The following CAMTA1 variants were observed in gnomAD, a reference collection of about 807,000 sequenced individuals.
CAMTA1 encodes calmodulin-binding transcription activator 1.
A neutral mutation model predicts 170.9 loss-of-function variants in CAMTA1; 27 were observed. The ratio of observed to expected loss-of-function variants is 0.16; its 90% CI spans 0.12 to 0.22. The LOEUF is 0.22. Among genes scored for constraint, CAMTA1 ranks in the 10% least tolerant of loss-of-function variants. CAMTA1 has a pLI of 1.00. For missense variants in CAMTA1, 1,619 were observed against 2,217.2 expected (o/e 0.73, Z 5.42); for synonymous variants, 833 against 891.5 (o/e 0.93, Z 1.17).
At chr1:7,507,426 G>A (rs893233557) in intron 6 of CAMTA1, among the ~76,000 whole-genome samples, 12 of 152,208 alleles carry the variant, frequency 7.9e-5, no homozygotes, top group South Asian at 2.1e-4. Context: ...GGGGTCTATC[G>A]GAGCTGTTTA....
At chr1:6,896,981 C>T (rs142120035) in intron 3 of CAMTA1, among the ~76,000 whole-genome samples, 3 of 152,244 alleles carry the variant, frequency 2.0e-5, no homozygotes, top group African/African-American at 7.2e-5. Context: ...GTGAAATGGA[C>T]CTTTTTAGAA....
intron 4 of CAMTA1, among the ~76,000 whole-genome samples, chr1:7,148,008 TCAAA>T (rs892111904): frequency 8.9e-5 from 13 of 145,406 alleles, no homozygotes; most frequent in Non-Finnish European, 1.3e-4. Flanking sequence ...ATGTACACAC[TCAAA>T]CATACATCAC....
intron 4 of CAMTA1, among the ~76,000 whole-genome samples, chr1:7,110,923 C>T (rs772633033): frequency 6.6e-6 from 1 of 152,222 alleles, no homozygotes; most frequent in Non-Finnish European, 1.5e-5. Flanking sequence ...CATTGTCTTA[C>T]AGTTCTGTAT....
chr1:7,492,740 C>CGCGT (rs1187081545), intron 6 of CAMTA1, among the ~76,000 whole-genome samples: 1 of 77,184 alleles, frequency 1.3e-5, no homozygotes, highest in Admixed American at 1.3e-4. Context: ...TACATACACA[C>CGCGT]ACGCGCGCAC....
In CAMTA1 at chr1:6,887,545, C is replaced by G. The variant is rs978517726; in HGVS notation, c.234+62335C>G. 3 of 1,486,554 alleles carry G rather than the reference C, an allele frequency of 2.0e-6. No homozygotes were observed. In the African/African-American group the frequency reaches 4.2e-5, roughly 21 times the overall value. The allele number at this position is 1,486,554 out of a possible 1,614,324, so 92.1% of individuals were successfully genotyped here. A position where few individuals can be genotyped will look rare whatever the true frequency, so the allele number is the denominator to read the frequency against. On this transcript the variant is annotated intron_variant, in intron 3 of 22. Coordinates refer to ENST00000303635, the MANE Select transcript of CAMTA1 (RefSeq NM_015215.4). The surrounding 1 kb of genome is among the most constrained non-coding windows in gnomAD (Gnocchi z 4.1). ...AATATATACTTTAGTTTGCCTTTAC[C>G]CAGATGTCTCCTCCTCTCTCTGCCT...
intron 6 of CAMTA1, among the ~76,000 whole-genome samples, chr1:7,496,225 T>C (rs2093824561): frequency 1.3e-5 from 2 of 152,072 alleles, no homozygotes; most frequent in African/African-American, 4.8e-5. Flanking sequence ...AAATAGTCCA[T>C]GTGCGGGAGG....
chr1:7,266,825 C>T (rs1669013255), intron 5 of CAMTA1, among the ~76,000 whole-genome samples: 3 of 152,174 alleles, frequency 2.0e-5, no homozygotes, highest in Admixed American at 2.0e-4. Context: ...CTGGAAGGAC[C>T]TTGGTTGCTC....
At position 7,588,149 on chromosome 1, in the gene CAMTA1, G is replaced by A. The variant is rs2095326581; in HGVS notation, c.511-52251G>A. Reference sequence around the variant, plus strand: ...TAGACCCCAGGGCTGGGATCCCACAGAAAGTCACAGGCCCTGCCCATTGGC... The same window carrying A: ...TAGACCCCAGGGCTGGGATCCCACAAAAAGTCACAGGCCCTGCCCATTGGC... On this transcript the variant is annotated intron_variant, in intron 6 of 22. Transcript: ENST00000303635. This position sits in a 1 kb window ranked among gnomAD's most constrained non-coding sequence, Gnocchi z 5.8. 6.6e-6 allele frequency among the ~76,000 whole-genome samples: 1 copy of A among 152,078 alleles called. No homozygotes were observed. The highest frequency in any genetic ancestry group is 1.5e-5 in the Non-Finnish European group (1 of 68,024).
At position 7,668,427 on chromosome 1, in the gene CAMTA1, ACACACCCAC is replaced by A. The variant is rs1335171773; in HGVS notation, c.2653-2478_2653-2470del. On this transcript the variant is annotated intron_variant, in intron 9 of 22. Transcript: ENST00000303635. ...CACACACACACACACACACACACAC[ACACACCCAC>A]CACACACCCCAGAGGCGTCCCCCTA... is the stretch of plus-strand genomic sequence containing the variant. Among the ~76,000 whole-genome samples, 1,132 of 132,360 alleles carry A rather than the reference ACACACCCAC, an allele frequency of 8.6e-3. 18 individuals carry two copies. The highest frequency in any genetic ancestry group is 0.031 in the African/African-American group (1,059 of 33,974). 86.8% of individuals were successfully genotyped at this position (132,360 alleles called of 152,430 possible). A position where few individuals can be genotyped will look rare whatever the true frequency, so the allele number is the denominator to read the frequency against.
At chr1:6,809,120 A>C (rs1269317526) in intron 1 of CAMTA1, among the ~76,000 whole-genome samples, 1 of 150,632 alleles carries the variant, frequency 6.6e-6, no homozygotes, top group Non-Finnish European at 1.5e-5. Context: ...TCCACCTCTC[A>C]GGTTCAAGCA....
chr1:7,103,113 G>C (rs1270343271), intron 4 of CAMTA1, among the ~76,000 whole-genome samples: 2 of 151,866 alleles, frequency 1.3e-5, no homozygotes, highest in African/African-American at 2.4e-5. Context: ...GGGGCTGCGG[G>C]GTGCAGTGGG....
At position 7,534,293 on chromosome 1, in the gene CAMTA1, C is replaced by T. The variant is rs1557875701; in HGVS notation, c.510+66392C>T. 1.3e-5 allele frequency among the ~76,000 whole-genome samples: 2 copies of T among 152,192 alleles called. No individual in the cohort carries two copies. Among genetic ancestry groups the T allele is most frequent in the Non-Finnish European group, 2.9e-5 (2 of 68,026 alleles). On this transcript the variant is annotated intron_variant, in intron 6 of 22. Coordinates refer to ENST00000303635, the MANE Select transcript of CAMTA1 (RefSeq NM_015215.4). The surrounding 1 kb of genome is among the most constrained non-coding windows in gnomAD (Gnocchi z 5.6). ...GGCTGGAGGCCGAGGCTGGGGGCCG[C>T]GGGGCTATTTTTAGTTTGCGTCAAC...
chr1:7,440,102 G>T (rs1316818179), intron 5 of CAMTA1, among the ~76,000 whole-genome samples: 5 of 152,256 alleles, frequency 3.3e-5, no homozygotes, highest in Non-Finnish European at 7.3e-5. Context: ...TTAGCCCATG[G>T]CTCAGGTGGC....
intron 6 of CAMTA1, among the ~76,000 whole-genome samples, chr1:7,560,269 G>T (rs1033198481): frequency 6.6e-6 from 1 of 152,200 alleles, no homozygotes; most frequent in African/African-American, 2.4e-5. Context: ...CTTTCTGCAG[G>T]CCCCACTGCC....
At chr1:7,397,371 T>C (rs1345010121) in intron 5 of CAMTA1, among the ~76,000 whole-genome samples, 2 of 152,064 alleles carry the variant, frequency 1.3e-5, no homozygotes, top group Non-Finnish European at 2.9e-5. Flanking sequence ...TAAATTTGAG[T>C]TTTCTCTCTT....
At position 6,887,820 on chromosome 1, in the gene CAMTA1, A is replaced by G; in HGVS notation, c.234+62610A>G. On this transcript the variant is annotated intron_variant, in intron 3 of 22. Coordinates refer to ENST00000303635, the MANE Select transcript of CAMTA1 (RefSeq NM_015215.4). The surrounding 1 kb of genome is among the most constrained non-coding windows in gnomAD (Gnocchi z 4.1). ...TTAAGACAGTTCTATTAGTGAATTA[A>G]CTGTTCTCAAAACCCCAAATTAATT... The G allele has an allele frequency of 1.4e-6, 2 of 1,479,866 alleles. No individual in the cohort carries two copies. Among genetic ancestry groups the G allele is most frequent in the Non-Finnish European group, 8.9e-7 (1 of 1,119,998 alleles). 91.7% of individuals were successfully genotyped at this position (1,479,866 alleles called of 1,614,324 possible).
At chr1:6,964,461 A>G (rs1460987453) in intron 3 of CAMTA1, among the ~76,000 whole-genome samples, 1 of 152,166 alleles carries the variant, frequency 6.6e-6, no homozygotes, top group East Asian at 1.9e-4. Context: ...AACTGTGCCT[A>G]GGTCCCACCT....
At chr1:7,359,152 G>A (rs1388995025) in intron 5 of CAMTA1, among the ~76,000 whole-genome samples, 1 of 152,166 alleles carries the variant, frequency 6.6e-6, no homozygotes, top group Non-Finnish European at 1.5e-5. Context: ...CTCTTGCTCT[G>A]GCGATAAAGC....
At chr1:7,747,824 C>T in intron 19 of CAMTA1, 43 bp downstream of exon 19, 3 of 1,420,294 alleles carry the variant, frequency 2.1e-6, no homozygotes, top group Non-Finnish European at 3.0e-6. Context: ...TGTGCCCCAC[C>T]CAAGGCCACT....
Sources: allele counts gnomAD v4.1 joint callset (sites outside exome capture counted in the v4.1 genomes callset), GRCh38; gene constraint gnomAD v4.1.1; non-coding constraint Gnocchi (gnomAD v3.1); transcripts MANE v1.5; gene names NCBI Gene and HGNC (gene_info 2026-07-23, HGNC 2026-07-21).